Variants in MET observed in about 807,000 individuals in gnomAD.
The protein encoded by MET is hepatocyte growth factor receptor.
In MET, 48 loss-of-function variants were observed where a neutral mutation model predicts 133.1. The observed-to-expected ratio is 0.36, with a 90% CI of 0.29 to 0.46. The LOEUF is 0.46. MET is among the 20% of genes least tolerant of loss of function. The probability of loss-of-function intolerance (pLI) is 1.00; values close to 1 mark genes in which losing one functional copy is unlikely to be tolerated. For synonymous variants in MET, 628 were observed against 616.5 expected (o/e 1.02, Z -0.28); for missense variants, 1,442 against 1,695.9 (o/e 0.85, Z 2.63).
intron 17 of MET, 132 bp from the exon 18 acceptor site, chr7:116,781,856 G>C: frequency 1.4e-6 from 1 of 690,662 alleles, no homozygotes; most frequent in Non-Finnish European, 2.5e-6. Flanking sequence ...GGGATTACAG[G>C]CTTGAGCCAT....
intron 2 of MET, among the ~76,000 whole-genome samples, chr7:116,716,509 GAA>G (rs1392271299): frequency 6.6e-6 from 1 of 150,500 alleles, no homozygotes; most frequent in South Asian, 2.1e-4. Flanking sequence ...AAGAAAGAAA[GAA>G]AGAAAGAAAG....
rs370359785 is a variant in MET, at chr7:116,716,179, A to G, written c.1201-15489A>G. On this transcript the variant is annotated intron_variant, in intron 2 of 20. Transcript: ENST00000397752. Reference sequence around the variant, plus strand: ...AGGAGGGAGGATCTCTTGAGCCCAGAAGGGAAGAGGTTGCAGTGAGCCAAG... The same window carrying G: ...AGGAGGGAGGATCTCTTGAGCCCAGGAGGGAAGAGGTTGCAGTGAGCCAAG... Among the ~76,000 whole-genome samples, 51 of 151,492 alleles carry G rather than the reference A, an allele frequency of 3.4e-4. No homozygotes were observed. In the East Asian group the frequency reaches 4.7e-3, roughly 14 times the overall value.
At chr7:116,785,273 A>G (rs1795278423) in intron 19 of MET, among the ~76,000 whole-genome samples, 1 of 152,168 alleles carries the variant, frequency 6.6e-6, no homozygotes, top group Admixed American at 6.5e-5. Flanking sequence ...TCTGGGGTCT[A>G]GAGGATGGTG....
intron 5 of MET, among the ~76,000 whole-genome samples, chr7:116,755,151 G>A (rs1409052054): frequency 6.6e-6 from 1 of 152,138 alleles, no homozygotes; most frequent in African/African-American, 2.4e-5. Flanking sequence ...TCATTAACAT[G>A]TCATGTAGTT....
chr7:116,760,254 C>A (rs1021391808), intron 10 of MET, among the ~76,000 whole-genome samples: 2 of 152,120 alleles, frequency 1.3e-5, no homozygotes, highest in Non-Finnish European at 2.9e-5. Context: ...TTTCTTACAG[C>A]CCCCTGTTCT....
intron 2 of MET, chr7:116,724,188 C>T (rs933854651): frequency 1.8e-5 from 3 of 166,592 alleles, no homozygotes; most frequent in African/African-American, 2.4e-5. Flanking sequence ...TCTCGTGGTG[C>T]GCCGTTTTTT....
At chr7:116,691,612 T>C (rs1038732024) in intron 1 of MET, among the ~76,000 whole-genome samples, 2 of 152,178 alleles carry the variant, frequency 1.3e-5, no homozygotes, top group African/African-American at 4.8e-5. Flanking sequence ...GACAATCACA[T>C]CAGGAGCCTG....
rs1795645051 is a variant in MET at position 116,795,647 on chromosome 7, T to C, written c.3799-8T>C. Reference sequence around the variant, plus strand: ...TCACCTCATCTGTCCTGTTTCTTGTTTTACTAGTGGTCCTTTGGCGTGCTC... The same window carrying C: ...TCACCTCATCTGTCCTGTTTCTTGTCTTACTAGTGGTCCTTTGGCGTGCTC... On this transcript the variant is annotated splice_region_variant and splice_polypyrimidine_tract_variant and intron_variant, in intron 19 of 20. Coordinates refer to ENST00000397752, the MANE Select transcript of MET (RefSeq NM_000245.4). The C allele has an allele frequency of 3.1e-6, 5 of 1,613,468 alleles. No homozygotes were observed. In the Admixed American group the frequency reaches 8.3e-5, roughly 27 times the overall value.
In MET at chr7:116,680,207, C is replaced by T. The variant is rs548503839; in HGVS notation, c.-15+7630C>T. Reference sequence around the variant, plus strand: ...TGTTTTGACATTTAATTGTAGATGGCACTGTATCAGCACTGACTTATTTAT... The same window carrying T: ...TGTTTTGACATTTAATTGTAGATGGTACTGTATCAGCACTGACTTATTTAT... On this transcript the variant is annotated intron_variant, in intron 1 of 20. Transcript: ENST00000397752. 6.2e-4 allele frequency among the ~76,000 whole-genome samples: 95 copies of T among 152,252 alleles called. 2 individuals carry two copies. The South Asian group carries it at 0.017, about 28-fold the overall frequency.
intron 2 of MET, among the ~76,000 whole-genome samples, chr7:116,718,151 A>G (rs1198255084): frequency 1.3e-5 from 2 of 152,112 alleles, no homozygotes; most frequent in Non-Finnish European, 2.9e-5. Context: ...CACTTTGGGA[A>G]GCCGAGACAG....
chr7:116,773,945 T>G (rs1251830845), intron 14 of MET, among the ~76,000 whole-genome samples: 1 of 152,228 alleles, frequency 6.6e-6, no homozygotes, highest in Non-Finnish European at 1.5e-5. Context: ...TTGGTGCTAA[T>G]GAGGAACCCC....
At position 116,682,706 on chromosome 7, in the gene MET, C is replaced by T. The variant is rs1796407434; in HGVS notation, c.-15+10129C>T. 2.6e-5 allele frequency among the ~76,000 whole-genome samples: 4 copies of T among 152,120 alleles called. No homozygotes were observed. The South Asian group carries it at 8.3e-4, about 32-fold the overall frequency. On this transcript the variant is annotated intron_variant, in intron 1 of 20. Transcript: ENST00000397752. ...GTGAACTTTCATTCTTGTTTTGGTT[C>T]TTTCCCATTTTGCCCAATTCATAGC...
At chr7:116,727,246 A>G (rs1792831160) in intron 2 of MET, among the ~76,000 whole-genome samples, 1 of 152,138 alleles carries the variant, frequency 6.6e-6, no homozygotes, top group African/African-American at 2.4e-5. Context: ...CGTTGCCCAG[A>G]ATAGTAAGCA....
rs539227343 is a variant in MET, at chr7:116,708,053, T to C, written c.1200+7769T>C. ...ATATTTATTTAGTCTCTAAACCTGA[T>C]AGTATTACAATGGAGAATGAGCTAG... is the stretch of plus-strand genomic sequence containing the variant. On this transcript the variant is annotated intron_variant, in intron 2 of 20. Coordinates refer to ENST00000397752, the MANE Select transcript of MET (RefSeq NM_000245.4). Among the ~76,000 whole-genome samples, 7 of 152,250 alleles carry C rather than the reference T, an allele frequency of 4.6e-5. No individual in the cohort carries two copies. In the South Asian group the frequency reaches 1.2e-3, roughly 27 times the overall value.
At position 116,740,037 on chromosome 7, in the gene MET, C is replaced by T; in HGVS notation, c.1480C>T (p.His494Tyr). Residue 494 changes from histidine to tyrosine, a missense_variant, in exon 4 of 21, where the codon CAT becomes TAT. This residue lies in a region of MET where 762 missense variants were observed against 792.4 expected (regional missense o/e 0.96). Transcript: ENST00000397752. ...HPVSPEVIVEHTLNQNGYTLV... is the reference protein window; with the variant it reads ...HPVSPEVIVEYTLNQNGYTLV... Reference sequence around the variant, plus strand: ...AGTGTCTCCAGAAGTGATTGTGGAGCATACATTAAACCAAAATGGCTACAC... The same window carrying T: ...AGTGTCTCCAGAAGTGATTGTGGAGTATACATTAAACCAAAATGGCTACAC... The T allele has an allele frequency of 6.2e-7, 1 of 1,614,096 alleles. No individual in the cohort carries two copies. Among genetic ancestry groups the T allele is most frequent in the South Asian group, 1.1e-5 (1 of 91,078 alleles).
At chr7:116,773,098 G>A (rs1336733236) in intron 14 of MET, among the ~76,000 whole-genome samples, 1 of 151,762 alleles carries the variant, frequency 6.6e-6, no homozygotes, top group Non-Finnish European at 1.5e-5. Flanking sequence ...AATCTTCTTT[G>A]AACCTCCTTA....
chr7:116,780,740 G>T (rs975253250), intron 17 of MET, among the ~76,000 whole-genome samples: 2 of 152,306 alleles, frequency 1.3e-5, no homozygotes, highest in Middle Eastern at 3.4e-3. Flanking sequence ...CAGCCCTTTT[G>T]CAGGGTCCCC....
intron 14 of MET, 138 bp from the exon 15 acceptor site, chr7:116,774,743 G>A (rs2117028038): frequency 7.4e-6 from 5 of 678,328 alleles, no homozygotes; most frequent in Non-Finnish European, 1.3e-5. Context: ...TGAAATGCTT[G>A]TATATATAAC....
chr7:116,679,134 T>C (rs1796260796), intron 1 of MET, among the ~76,000 whole-genome samples: 1 of 152,204 alleles, frequency 6.6e-6, no homozygotes, highest in Non-Finnish European at 1.5e-5. Flanking sequence ...TGTTTTGTAA[T>C]ATAAATACAA....
Sources: allele counts gnomAD v4.1 joint callset (sites outside exome capture counted in the v4.1 genomes callset), GRCh38; gene constraint gnomAD v4.1.1; regional missense constraint gnomAD v4.1.1; transcripts MANE v1.5; gene names NCBI Gene and HGNC (gene_info 2026-07-23, HGNC 2026-07-21).